Variants in TMEFF2 observed in about 807,000 individuals in gnomAD.
TMEFF2 encodes the protein transmembrane protein with EGF like and two follistatin like domains 2, also known as tomoregulin-2.
Under a neutral mutation model 53.8 loss-of-function variants are expected in TMEFF2, and 28 were observed. The observed-to-expected ratio is 0.52, with a 90% CI of 0.39 to 0.71. The LOEUF is 0.71. TMEFF2 is among the 30% of genes least tolerant of loss of function. TMEFF2 has a pLI of 0.00. For synonymous variants in TMEFF2, 162 were observed against 166.3 expected (o/e 0.97, Z 0.20); for missense variants, 353 against 455.2 (o/e 0.78, Z 2.04).
intron 4 of TMEFF2, among the ~76,000 whole-genome samples, chr2:192,083,265 G>A (rs1688594530): frequency 6.6e-6 from 1 of 152,176 alleles, no homozygotes; most frequent in South Asian, 2.1e-4. Flanking sequence ...AAAAATCACT[G>A]CCCCCTTCCT....
intron 4 of TMEFF2, among the ~76,000 whole-genome samples, chr2:192,145,852 G>A (rs1690238792): frequency 6.6e-6 from 1 of 151,990 alleles, no homozygotes; most frequent in African/African-American, 2.4e-5. Flanking sequence ...CATCTTGCAA[G>A]CACCATATAA....
intron 4 of TMEFF2, among the ~76,000 whole-genome samples, chr2:192,154,175 C>T (rs1020846417): frequency 6.6e-6 from 1 of 151,908 alleles, no homozygotes. Context: ...GGCAATGTTA[C>T]ACTTCAGTAT....
chr2:192,133,399 C>T (rs569013712), intron 4 of TMEFF2, among the ~76,000 whole-genome samples: 2 of 152,276 alleles, frequency 1.3e-5, no homozygotes, highest in East Asian at 1.9e-4. Flanking sequence ...CCACTCAATG[C>T]CAATATCCCA....
chr2:192,179,060 A>G (rs1239292272), intron 4 of TMEFF2: 1 of 151,130 alleles, frequency 6.6e-6, no homozygotes, highest in Non-Finnish European at 1.5e-5. Context: ...CTCATCTTAT[A>G]TACTTCCCTA....
chr2:192,068,793 G>A (rs1651178240), intron 4 of TMEFF2, among the ~76,000 whole-genome samples: 1 of 151,788 alleles, frequency 6.6e-6, no homozygotes, highest in African/African-American at 2.4e-5. Context: ...AATCAGGCTT[G>A]TTTAAATATA....
chr2:191,990,824 T>G (rs1559074600), intron 7 of TMEFF2, among the ~76,000 whole-genome samples: 2 of 151,842 alleles, frequency 1.3e-5, no homozygotes, highest in Non-Finnish European at 2.9e-5. Context: ...CATTTCTGAG[T>G]GAAAAATAAT....
chr2:192,017,748 A>G (rs1686774418), intron 5 of TMEFF2, among the ~76,000 whole-genome samples: 1 of 152,214 alleles, frequency 6.6e-6, no homozygotes, highest in African/African-American at 2.4e-5. Flanking sequence ...TTATTTCTCC[A>G]GGCCAGAATC....
chr2:192,068,168 A>G (rs914644164), intron 4 of TMEFF2, among the ~76,000 whole-genome samples: 1 of 151,896 alleles, frequency 6.6e-6, no homozygotes, highest in Admixed American at 6.6e-5. Context: ...AGCACATTAA[A>G]TAGGAGGATG....
chr2:191,987,708 A>G (rs4853650), intron 7 of TMEFF2, among the ~76,000 whole-genome samples: 138,642 of 152,214 alleles, frequency 0.91, 64,515 homozygotes, highest in East Asian at 1. Context: ...AACAGAGATG[A>G]GACTAAGTCA....
chr2:191,998,404 A>T, intron 6 of TMEFF2, 83 bp from the exon 7 acceptor site: 1 of 1,013,566 alleles, frequency 9.9e-7, no homozygotes. Flanking sequence ...CTCCAACAAT[A>T]TCTTCATTGC....
chr2:192,038,399 G>C (rs1469916729), intron 5 of TMEFF2, among the ~76,000 whole-genome samples: 3 of 152,178 alleles, frequency 2.0e-5, no homozygotes, highest in African/African-American at 7.2e-5. Flanking sequence ...GTCCTTAGAA[G>C]AGTGTAGTGC....
chr2:192,064,623 T>C (rs1688126632), intron 4 of TMEFF2, among the ~76,000 whole-genome samples: 1 of 151,844 alleles, frequency 6.6e-6, no homozygotes, highest in South Asian at 2.1e-4. Flanking sequence ...CCCTTTCTGA[T>C]AAAAGGATTA....
chr2:192,089,763 A>T (rs1168724449), intron 4 of TMEFF2, among the ~76,000 whole-genome samples: 1 of 152,250 alleles, frequency 6.6e-6, no homozygotes, highest in East Asian at 1.9e-4. Flanking sequence ...TTGTTTTCTC[A>T]TCTGTAAAAT....
chr2:192,057,583 G>A (rs2105903362), intron 5 of TMEFF2, 96 bp downstream of exon 5: 1 of 1,068,700 alleles, frequency 9.4e-7, no homozygotes, highest in Admixed American at 1.8e-5. Context: ...AAATAAAAAT[G>A]CAGACAATGT....
At position 192,169,268 on chromosome 2, in the gene TMEFF2, T is replaced by C. The variant is rs557696773; in HGVS notation, c.439+10400A>G. On this transcript the variant is annotated intron_variant, in intron 4 of 9. Coordinates refer to ENST00000272771, the MANE Select transcript of TMEFF2 (RefSeq NM_016192.4). ...TGATGTAGATTTTCATTGACTTTAG[T>C]CTTGGAATATGAATGATGTTTAAGC... 3.2e-3 allele frequency among the ~76,000 whole-genome samples: 481 copies of C among 152,240 alleles called. 6 individuals carry two copies. Among genetic ancestry groups the C allele is most frequent in the African/African-American group, 0.011 (447 of 41,542 alleles).
chr2:192,140,542 G>A lies in TMEFF2; in HGVS notation c.439+39126C>T, dbSNP rs527639473. Among the ~76,000 whole-genome samples the A allele has an allele frequency of 2.6e-5, 4 of 152,184 alleles. No homozygotes were observed. In the South Asian group the frequency reaches 8.3e-4, roughly 32 times the overall value. On this transcript the variant is annotated intron_variant, in intron 4 of 9. Coordinates refer to ENST00000272771, the MANE Select transcript of TMEFF2 (RefSeq NM_016192.4). ...TTGAAAGAAATAGACTGATAAGAAT[G>A]AGCAGCATTTAAAAAGAGGATGACC...
chr2:192,013,318 C>T (rs966045403), intron 5 of TMEFF2, among the ~76,000 whole-genome samples: 5 of 152,296 alleles, frequency 3.3e-5, no homozygotes, highest in Admixed American at 6.5e-5. Context: ...GCACTTTTCA[C>T]TTGCTGTTCC....
At chr2:191,998,013 T>C (rs1476856861) in intron 7 of TMEFF2, among the ~76,000 whole-genome samples, 1 of 151,994 alleles carries the variant, frequency 6.6e-6, no homozygotes, top group Non-Finnish European at 1.5e-5. Flanking sequence ...CTATTTGCAC[T>C]GTAAAGACAA....
chr2:191,951,243 C>T (rs1405628989), intron 9 of TMEFF2, among the ~76,000 whole-genome samples: 1 of 150,736 alleles, frequency 6.6e-6, no homozygotes, highest in African/African-American at 2.4e-5. Flanking sequence ...TTAAAGAGAA[C>T]ATGGAGCTGA....
Sources: gnomAD v4.1 joint callset for allele counts (sites outside exome capture counted in the v4.1 genomes callset) on GRCh38, gnomAD v4.1.1 for gene constraint, MANE v1.5 for transcripts, NCBI Gene and HGNC (gene_info 2026-07-23, HGNC 2026-07-21) for gene names.